The following CHFR variants were observed in gnomAD, a reference collection of about 807,000 sequenced individuals.
The protein encoded by CHFR is checkpoint with forkhead and ring finger domains, also known as E3 ubiquitin-protein ligase CHFR.
CHFR carries 57 observed loss-of-function variants against 87.6 expected under a neutral mutation model. The observed-to-expected ratio is 0.65, with a 90% confidence interval of 0.53 to 0.81. CHFR has a LOEUF of 0.81. CHFR is among the 30% of genes least tolerant of loss of function. The probability of loss-of-function intolerance (pLI) is 0.00; values close to 1 mark genes in which losing one functional copy is unlikely to be tolerated. For missense variants in CHFR, 797 were observed against 865.8 expected (o/e 0.92, Z 1.00); for synonymous variants, 381 against 359.2 (o/e 1.06, Z -0.69).
chr12:132,857,611 A>G (rs1951112138), intron 8 of CHFR, 52 bp from the exon 9 acceptor site: 1 of 1,575,436 alleles, frequency 6.3e-7, no homozygotes, highest in Admixed American at 1.8e-5. Flanking sequence ...TGCAACCGCG[A>G]CCCTCGACCA....
intron 3 of CHFR, among the ~76,000 whole-genome samples, chr12:132,875,582 C>T (rs1280268363): frequency 6.6e-6 from 1 of 151,862 alleles, no homozygotes; most frequent in Admixed American, 6.6e-5. Context: ...GAGATCGCAC[C>T]AACAGCACTT....
At position 132,844,067 on chromosome 12, in the gene CHFR, G is replaced by A; in HGVS notation, c.1803C>T (p.Thr601=). ...CCGLRSFREL[T]YQYRQNIPAS... ...CAGGAATGTTCTGCCGATACTGATA[G>A]GTCAGCTCACGGAAGCTGCGCAGGC... Residue 601 remains threonine (T), a synonymous_variant, in exon 16 of 18, where the codon ACC becomes ACT. Coordinates refer to ENST00000450056, the MANE Select transcript of CHFR (RefSeq NM_001161346.2). 1 of 1,613,852 alleles carries A rather than the reference G, an allele frequency of 6.2e-7. No homozygotes were observed. Among genetic ancestry groups the A allele is most frequent in the South Asian group, 1.1e-5 (1 of 91,070 alleles).
In CHFR at chr12:132,869,612, A is replaced by G; in HGVS notation, c.583+7T>C. The G allele has an allele frequency of 6.4e-7, 1 of 1,551,154 alleles. No homozygotes were observed. The highest frequency in any genetic ancestry group is 8.7e-7 in the Non-Finnish European group (1 of 1,146,632). On this transcript the variant is annotated splice_region_variant and intron_variant, in intron 6 of 17. Coordinates refer to ENST00000450056, the MANE Select transcript of CHFR (RefSeq NM_001161346.2). ...CAGCACCAAGACCTCATGAGATGTG[A>G]CCTCACCACAACTGGAGGAACGCTC... is the stretch of plus-strand genomic sequence containing the variant.
At chr12:132,842,690 G>A (rs1396337558) in intron 17 of CHFR, among the ~76,000 whole-genome samples, 3 of 152,238 alleles carry the variant, frequency 2.0e-5, no homozygotes, top group Admixed American at 6.5e-5. Flanking sequence ...GCTGTGCAGC[G>A]CTTTGCGAGG....
At chr12:132,873,090 G>A (rs1284244181) in intron 3 of CHFR, among the ~76,000 whole-genome samples, 1 of 152,132 alleles carries the variant, frequency 6.6e-6, no homozygotes. Context: ...CAGCATACCC[G>A]ACACACAAAA....
intron 6 of CHFR, among the ~76,000 whole-genome samples, chr12:132,868,510 CAAACAAA>C (rs1386133650): frequency 6.6e-6 from 1 of 151,572 alleles, no homozygotes; most frequent in African/African-American, 2.4e-5. Flanking sequence ...TCAAAACAAA[CAAACAAA>C]AAACAAAAAA....
At chr12:132,883,426 C>CAAAA (rs1281973967) in intron 2 of CHFR, among the ~76,000 whole-genome samples, 4 of 93,064 alleles carry the variant, frequency 4.3e-5, no homozygotes, top group South Asian at 3.4e-4. Flanking sequence ...AACTCCGTCT[C>CAAAA]AAAAAAAAAA....
intron 2 of CHFR, among the ~76,000 whole-genome samples, chr12:132,883,748 C>T (rs984414999): frequency 5.9e-5 from 9 of 152,156 alleles, no homozygotes; most frequent in African/African-American, 2.2e-4. Context: ...CCCCTTCCTA[C>T]ACGTTACCTA....
chr12:132,870,176 C>T (rs1164095045), intron 5 of CHFR, among the ~76,000 whole-genome samples: 15 of 152,060 alleles, frequency 9.9e-5, no homozygotes, highest in Admixed American at 9.8e-4. Context: ...CACGGTGAAA[C>T]CCCATCTCTA....
rs909400005 is a variant in CHFR, at chr12:132,869,698, C to A, written c.504G>T (p.Ser168=). The part of the protein sequence containing the change: ...VCFEEPQPST[S]TSDLFPTASA... Reference sequence around the variant, plus strand: ...AGGCTGTGGGGAAGAGGTCTGACGTCGATGTTGATGGCTGTGGTTCCTCAA... The same window carrying A: ...AGGCTGTGGGGAAGAGGTCTGACGTAGATGTTGATGGCTGTGGTTCCTCAA... Residue 168 remains serine, a synonymous_variant, in exon 6 of 18, where the codon TCG becomes TCT. Coordinates refer to ENST00000450056, the MANE Select transcript of CHFR (RefSeq NM_001161346.2). 3.2e-6 allele frequency: 5 copies of A among 1,551,646 alleles called. No individual in the cohort carries two copies. Among genetic ancestry groups the A allele is most frequent in the Non-Finnish European group, 3.5e-6 (4 of 1,146,998 alleles).
chr12:132,842,831 C>T (rs1950730554), intron 17 of CHFR, among the ~76,000 whole-genome samples, 180 bp downstream of exon 17: 2 of 152,122 alleles, frequency 1.3e-5, no homozygotes, highest in Non-Finnish European at 2.9e-5. Context: ...AAGTGGAAGA[C>T]GGAGATAAAA....
chr12:132,882,465 T>C (rs1464508475), intron 2 of CHFR, among the ~76,000 whole-genome samples: 2 of 152,074 alleles, frequency 1.3e-5, no homozygotes, highest in Non-Finnish European at 1.5e-5. Flanking sequence ...CCAAAAAAGG[T>C]GAATTTTACT....
chr12:132,887,140 C>A (rs1444872356), intron 2 of CHFR, 56 bp downstream of exon 2: 3 of 1,402,422 alleles, frequency 2.1e-6, no homozygotes, highest in Admixed American at 3.2e-5. Context: ...GTGGCCTGCC[C>A]GCAACCCGGT....
In CHFR at chr12:132,841,365, C is replaced by G; in HGVS notation, c.*189G>C. On this transcript the variant is annotated 3_prime_UTR_variant, in exon 18 of 18. Coordinates refer to ENST00000450056, the MANE Select transcript of CHFR (RefSeq NM_001161346.2). Reference sequence around the variant, plus strand: ...CACCAGGAGGGCGGGCTGCGGCCCCCGGGGCTCTGGGGAGGGTCTCACTCA... The same window carrying G: ...CACCAGGAGGGCGGGCTGCGGCCCCGGGGGCTCTGGGGAGGGTCTCACTCA... 1 of 580,652 alleles carries G rather than the reference C, an allele frequency of 1.7e-6. No homozygotes were observed. The highest frequency in any genetic ancestry group is 3.1e-6 in the Non-Finnish European group (1 of 327,648). The allele number at this position is 580,652 out of a possible 1,614,324, so 36.0% of individuals were successfully genotyped here. A position where few individuals can be genotyped will look rare whatever the true frequency, so the allele number is the denominator to read the frequency against.
At chr12:132,861,362 T>C (rs1013092691) in intron 7 of CHFR, 105 bp downstream of exon 7, 8 of 1,151,944 alleles carry the variant, frequency 6.9e-6, no homozygotes, top group South Asian at 4.2e-5. Flanking sequence ...AGGGTCCACA[T>C]GCCCCTGCAG....
intron 5 of CHFR, 67 bp downstream of exon 5, chr12:132,870,657 C>T: frequency 8.5e-7 from 1 of 1,181,520 alleles, no homozygotes; most frequent in Middle Eastern, 1.9e-4. Flanking sequence ...GAGACTCCAT[C>T]TCAAAACACA....
At chr12:132,844,856 C>T (rs998585581) in intron 15 of CHFR, among the ~76,000 whole-genome samples, 9 of 149,332 alleles carry the variant, frequency 6.0e-5, no homozygotes, top group Non-Finnish European at 1.2e-4. Context: ...TGGTCTCAAA[C>T]TCTTGTCCTC....
At chr12:132,885,720 A>G (rs1244675501) in intron 2 of CHFR, among the ~76,000 whole-genome samples, 1 of 152,186 alleles carries the variant, frequency 6.6e-6, no homozygotes, top group African/African-American at 2.4e-5. Flanking sequence ...CAGTCCGTGT[A>G]TGATCTCATT....
At chr12:132,850,041 C>A (rs1950905957) in intron 12 of CHFR, 2 of 152,074 alleles carry the variant, frequency 1.3e-5, no homozygotes, top group Admixed American at 1.3e-4. Context: ...GCAACCTCTG[C>A]CTCCCGGGTT....
Sources: gnomAD v4.1 joint callset for allele counts (sites outside exome capture counted in the v4.1 genomes callset) on GRCh38, gnomAD v4.1.1 for gene constraint, MANE v1.5 for transcripts, NCBI Gene and HGNC (gene_info 2026-07-23, HGNC 2026-07-21) for gene names.